The following HMGCLL1 variants were observed in gnomAD, a reference collection of about 807,000 sequenced individuals.
The protein encoded by HMGCLL1 is 3-hydroxy-3-methylglutaryl-CoA lyase like 1, also known as 3-hydroxymethyl-3-methylglutaryl-CoA lyase, cytoplasmic.
In HMGCLL1, 36 loss-of-function variants were observed where a neutral mutation model predicts 39.1. The ratio of observed to expected loss-of-function variants is 0.92; its 90% CI spans 0.71 to 1.22. The LOEUF is 1.22. HMGCLL1 is among the 50% of genes most tolerant of loss of function. HMGCLL1 has a pLI of 0.00. For missense variants in HMGCLL1, 451 were observed against 416.5 expected (o/e 1.08, Z -0.72); for synonymous variants, 149 against 144.0 (o/e 1.03, Z -0.25).
At chr6:55,652,916 T>C in the HMGCLL1 span, among the ~76,000 whole-genome samples, 12 of 152,112 alleles carry the variant, frequency 7.9e-5, no homozygotes, top group African/African-American at 2.9e-4. Context: ...AATTTATCTG[T>C]ATGCAAATGT....
Position 55,557,609 on chromosome 6 carries a change from T to G in HMGCLL1, c.109-15469A>C, listed in dbSNP as rs184510638. ...TCCTTTCCAGGTGACCTATTTCATT[T>G]TAGAGACACCATATTTTGAACCCCA... On this transcript the variant is annotated intron_variant, in intron 1 of 8. Coordinates refer to ENST00000274901, the MANE Select transcript of HMGCLL1 (RefSeq NM_001042406.2). 4.0e-3 allele frequency among the ~76,000 whole-genome samples: 603 copies of G among 152,274 alleles called. 2 individuals are homozygous for G. In the Middle Eastern group the frequency reaches 0.041, roughly 10 times the overall value.
intron 7 of HMGCLL1, among the ~76,000 whole-genome samples, chr6:55,482,949 T>G (rs553293427): frequency 3.7e-4 from 56 of 152,184 alleles, no homozygotes; most frequent in Non-Finnish European, 7.1e-4. Flanking sequence ...GAAGAGCGAT[T>G]GATAGAACTC....
At chr6:55,540,414 T>C (rs1581919813) in intron 3 of HMGCLL1, among the ~76,000 whole-genome samples, 2 of 152,102 alleles carry the variant, frequency 1.3e-5, no homozygotes, top group African/African-American at 4.8e-5. Flanking sequence ...GGAGCTCTCA[T>C]GAATGGCATT....
At chr6:55,544,973 C>A (rs1323888059) in intron 1 of HMGCLL1, among the ~76,000 whole-genome samples, 1 of 151,882 alleles carries the variant, frequency 6.6e-6, no homozygotes, top group African/African-American at 2.4e-5. Flanking sequence ...CCTATAATTT[C>A]AACAGAACAA....
At chr6:55,664,373 T>C in the HMGCLL1 span, among the ~76,000 whole-genome samples, 2,386 of 151,888 alleles carry the variant, frequency 0.016, 41 homozygotes, top group Non-Finnish European at 0.022. Context: ...AGTAATAAAC[T>C]GCCTCAGCAT....
the HMGCLL1 span, among the ~76,000 whole-genome samples, chr6:55,671,814 T>G: frequency 6.6e-6 from 1 of 151,782 alleles, no homozygotes; most frequent in Non-Finnish European, 1.5e-5. Flanking sequence ...AGTCCATTAT[T>G]AGGGTATTGC....
At chr6:55,597,473 A>T in the HMGCLL1 span, among the ~76,000 whole-genome samples, 3 of 151,938 alleles carry the variant, frequency 2.0e-5, no homozygotes, top group Non-Finnish European at 4.4e-5. Flanking sequence ...AGGATACAGA[A>T]GTTGATAAGA....
intron 1 of HMGCLL1, among the ~76,000 whole-genome samples, chr6:55,550,154 G>C (rs780692593): frequency 2.6e-5 from 4 of 151,982 alleles, no homozygotes; most frequent in Non-Finnish European, 4.4e-5. Flanking sequence ...AGAAGGGGTT[G>C]AGAAAAATGT....
intron 1 of HMGCLL1, among the ~76,000 whole-genome samples, chr6:55,569,204 G>A (rs1294568290): frequency 6.6e-6 from 1 of 152,114 alleles, no homozygotes; most frequent in African/African-American, 2.4e-5. Flanking sequence ...ACCTCAAAAA[G>A]GATAGAAGGG....
chr6:55,642,343 A>G, the HMGCLL1 span, among the ~76,000 whole-genome samples: 2 of 151,746 alleles, frequency 1.3e-5, no homozygotes, highest in Admixed American at 6.6e-5. Flanking sequence ...AGTCTTTGCT[A>G]TTGTGAATAA....
chr6:55,598,940 A>C, the HMGCLL1 span, among the ~76,000 whole-genome samples: 1 of 152,224 alleles, frequency 6.6e-6, no homozygotes, highest in Non-Finnish European at 1.5e-5. Context: ...GCCATAAAAA[A>C]GGATGAGTTC....
At chr6:55,481,094 T>C (rs1765721106) in intron 7 of HMGCLL1, among the ~76,000 whole-genome samples, 1 of 152,098 alleles carries the variant, frequency 6.6e-6, no homozygotes, top group African/African-American at 2.4e-5. Flanking sequence ...CAATAATTTA[T>C]TGCAGGCTGG....
intron 3 of HMGCLL1, among the ~76,000 whole-genome samples, chr6:55,533,709 A>G: frequency 6.7e-6 from 1 of 150,082 alleles, no homozygotes; most frequent in African/African-American, 2.4e-5. Context: ...ACACGGTGAA[A>G]CCCCGTCTCT....
At chr6:55,467,988 A>G (rs1205664974) in intron 7 of HMGCLL1, among the ~76,000 whole-genome samples, 1 of 152,004 alleles carries the variant, frequency 6.6e-6, no homozygotes, top group African/African-American at 2.4e-5. Context: ...GGCATTGTCT[A>G]GAGGTAAATA....
chr6:55,551,960 T>C (rs961656431), intron 1 of HMGCLL1, among the ~76,000 whole-genome samples: 1 of 151,970 alleles, frequency 6.6e-6, no homozygotes, highest in African/African-American at 2.4e-5. Flanking sequence ...ATAATATATT[T>C]CAAAGGGACC....
At chr6:55,649,232 T>G in the HMGCLL1 span, among the ~76,000 whole-genome samples, 1 of 152,122 alleles carries the variant, frequency 6.6e-6, no homozygotes, top group Non-Finnish European at 1.5e-5. Context: ...TCTTTCAGAT[T>G]GAAGAATTTC....
intron 7 of HMGCLL1, among the ~76,000 whole-genome samples, chr6:55,463,971 G>A (rs533584343): frequency 1.3e-5 from 2 of 152,128 alleles, no homozygotes; most frequent in Non-Finnish European, 2.9e-5. Flanking sequence ...CAACGCTTTA[G>A]ACTGAAATAT....
At chr6:55,560,525 A>G (rs1770893708) in intron 1 of HMGCLL1, among the ~76,000 whole-genome samples, 1 of 152,082 alleles carries the variant, frequency 6.6e-6, no homozygotes, top group Admixed American at 6.6e-5. Flanking sequence ...CTTTTCCATA[A>G]TCCCTCTGTT....
the HMGCLL1 span, among the ~76,000 whole-genome samples, chr6:55,616,213 G>A: frequency 3.0e-4 from 45 of 151,938 alleles, no homozygotes; most frequent in Non-Finnish European, 5.4e-4. Flanking sequence ...GATTTGCTTT[G>A]GCCAAAGAAC....
Sources: allele counts gnomAD v4.1 joint callset (sites outside exome capture counted in the v4.1 genomes callset), GRCh38; gene constraint gnomAD v4.1.1; transcripts MANE v1.5; gene names NCBI Gene and HGNC (gene_info 2026-07-23, HGNC 2026-07-21).